The following SCD5 variants were observed in gnomAD, a reference collection of about 807,000 sequenced individuals.
The protein encoded by SCD5 is stearoyl-CoA desaturase 5, also known as acyl-CoA-desaturase 4.
Under a neutral mutation model 30.4 loss-of-function variants are expected in SCD5, and 20 were observed. The ratio of observed to expected loss-of-function variants is 0.66; its 90% confidence interval spans 0.46 to 0.96. SCD5 has a LOEUF of 0.96. Ranked by LOEUF, SCD5 falls within the 40% of genes least tolerant of loss-of-function variation. The pLI, the probability that SCD5 is intolerant of heterozygous loss-of-function variation, is 0.00. For missense variants in SCD5, 381 were observed against 443.3 expected (o/e 0.86, Z 1.26); for synonymous variants, 173 against 176.4 (o/e 0.98, Z 0.16).
chr4:82,715,998 C>T (rs958805196), intron 1 of SCD5, among the ~76,000 whole-genome samples: 5 of 151,920 alleles, frequency 3.3e-5, no homozygotes, highest in Non-Finnish European at 4.4e-5. Context: ...CAAAAAAAGT[C>T]AATGTTATCA....
intron 1 of SCD5, among the ~76,000 whole-genome samples, chr4:82,795,064 A>G (rs1722181812): frequency 6.6e-6 from 1 of 152,228 alleles, no homozygotes. Flanking sequence ...AGGGAAAACA[A>G]CATGCTCTGG....
intron 1 of SCD5, among the ~76,000 whole-genome samples, chr4:82,779,015 G>A (rs550336702): frequency 6.6e-6 from 1 of 152,054 alleles, no homozygotes; most frequent in East Asian, 1.9e-4. Flanking sequence ...ACAGGCATGC[G>A]CCACCACGCC....
intron 1 of SCD5, among the ~76,000 whole-genome samples, chr4:82,751,917 G>A (rs755995520): frequency 1.3e-5 from 2 of 152,156 alleles, no homozygotes; most frequent in African/African-American, 4.8e-5. Context: ...GAGCCACCAC[G>A]CCCAGCCTCT....
intron 1 of SCD5, among the ~76,000 whole-genome samples, chr4:82,758,861 G>A (rs770148317): frequency 7.2e-5 from 11 of 152,200 alleles, no homozygotes; most frequent in Non-Finnish European, 1.2e-4. Flanking sequence ...ACTCATGCCT[G>A]GCTTCAGCTG....
intron 2 of SCD5, among the ~76,000 whole-genome samples, chr4:82,682,558 A>C (rs1446654435): frequency 1.3e-5 from 2 of 152,220 alleles, no homozygotes; most frequent in African/African-American, 4.8e-5. Flanking sequence ...TTTATACCAT[A>C]ATATTCAATA....
At chr4:82,658,467 C>CTTTTTTTTT (rs33912415) in intron 3 of SCD5, among the ~76,000 whole-genome samples, 2 of 105,548 alleles carry the variant, frequency 1.9e-5, no homozygotes, top group Admixed American at 1.1e-4. Context: ...GGTGGATAAG[C>CTTTTTTTTT]TTTTTTTTTT....
intron 1 of SCD5, among the ~76,000 whole-genome samples, chr4:82,767,758 T>A (rs1310635421): frequency 6.6e-6 from 1 of 152,174 alleles, no homozygotes; most frequent in Admixed American, 6.5e-5. Flanking sequence ...TTCCTCTATA[T>A]TTTTTGACAA....
At chr4:82,732,867 G>T (rs969235994) in intron 1 of SCD5, among the ~76,000 whole-genome samples, 13 of 152,158 alleles carry the variant, frequency 8.5e-5, no homozygotes, top group African/African-American at 3.1e-4. Flanking sequence ...CACCTCAGTG[G>T]TTCTCAAAGT....
At chr4:82,649,960 G>A (rs552451828) in intron 3 of SCD5, among the ~76,000 whole-genome samples, 12 of 152,184 alleles carry the variant, frequency 7.9e-5, no homozygotes, top group East Asian at 1.9e-4. Flanking sequence ...GCCTCATCCC[G>A]GGAGACAGAA....
At chr4:82,785,091 T>G (rs544131130) in intron 1 of SCD5, among the ~76,000 whole-genome samples, 1 of 152,178 alleles carries the variant, frequency 6.6e-6, no homozygotes, top group African/African-American at 2.4e-5. Flanking sequence ...ATCTCATCTA[T>G]ACTCACAGGG....
chr4:82,683,700 G>A (rs1728630154), intron 2 of SCD5, among the ~76,000 whole-genome samples: 1 of 152,174 alleles, frequency 6.6e-6, no homozygotes, highest in African/African-American at 2.4e-5. Context: ...CTGGTGGGAG[G>A]TGATTGGATC....
chr4:82,786,838 T>C (rs1407210500), intron 1 of SCD5, among the ~76,000 whole-genome samples: 1 of 146,280 alleles, frequency 6.8e-6, no homozygotes, highest in Non-Finnish European at 1.5e-5. Flanking sequence ...AACTTCCCAA[T>C]AGCCACCAGG....
At chr4:82,640,893 G>T (rs1727528590) in intron 3 of SCD5, among the ~76,000 whole-genome samples, 1 of 152,216 alleles carries the variant, frequency 6.6e-6, no homozygotes, top group African/African-American at 2.4e-5. Context: ...GGCTGGAGAG[G>T]AGTCATTGAT....
At chr4:82,788,209 C>A (rs759739762) in intron 1 of SCD5, among the ~76,000 whole-genome samples, 2 of 152,158 alleles carry the variant, frequency 1.3e-5, no homozygotes, top group Non-Finnish European at 2.9e-5. Flanking sequence ...GCCTCCAGAA[C>A]TCAGAAATAA....
At chr4:82,732,361 A>G (rs1409074257) in intron 1 of SCD5, among the ~76,000 whole-genome samples, 3 of 152,222 alleles carry the variant, frequency 2.0e-5, no homozygotes, top group African/African-American at 7.2e-5. Flanking sequence ...AAGTGCTTGG[A>G]TTACAGGCAC....
chr4:82,768,639 G>A (rs1721545064), intron 1 of SCD5, among the ~76,000 whole-genome samples: 1 of 152,218 alleles, frequency 6.6e-6, no homozygotes, highest in Admixed American at 6.5e-5. Context: ...TAAGATTAGT[G>A]TCCTGGTTCT....
In SCD5 at chr4:82,795,809, C is replaced by CAAAAAAAAA. The variant is rs72115040; in HGVS notation, c.232+2488_232+2496dup. On this transcript the variant is annotated intron_variant, in intron 1 of 4. Transcript: ENST00000319540. ...TGCACTCCAGCAAGACCCTGTCTCA[C>CAAAAAAAAA]AAAAAAAAAAAAAAAAAAAAAAAAA... Among the ~76,000 whole-genome samples, 64 of 43,906 alleles carry CAAAAAAAAA rather than the reference C, an allele frequency of 1.5e-3. 8 individuals carry two copies. Among genetic ancestry groups the CAAAAAAAAA allele is most frequent in the African/African-American group, 4.7e-3 (54 of 11,420 alleles). 28.8% of individuals were successfully genotyped at this position (43,906 alleles called of 152,430 possible). A position where few individuals can be genotyped will look rare whatever the true frequency, so the allele number is the denominator to read the frequency against.
rs184689420 is a variant in SCD5, at chr4:82,705,428, C to T, written c.233-15G>A. On this transcript the variant is annotated splice_polypyrimidine_tract_variant and intron_variant, in intron 1 of 4. Transcript: ENST00000319540. The stretch of plus-strand genomic sequence containing the variant: ...GCAGAAGTAGGCTGCAAGACACAAG[C>T]AGGGACAACGTCAACAATGGTCCCT... The T allele has an allele frequency of 1.2e-5, 19 of 1,614,026 alleles. No individual in the cohort carries two copies. The highest frequency in any genetic ancestry group is 4.0e-5 in the African/African-American group (3 of 75,066).
At chr4:82,698,386 C>A (rs1012600801) in intron 2 of SCD5, among the ~76,000 whole-genome samples, 4 of 152,214 alleles carry the variant, frequency 2.6e-5, no homozygotes, top group Non-Finnish European at 5.9e-5. Flanking sequence ...ACACAAGTCT[C>A]CCTCCTTGAC....
Sources: allele counts gnomAD v4.1 joint callset (sites outside exome capture counted in the v4.1 genomes callset), GRCh38; gene constraint gnomAD v4.1.1; transcripts MANE v1.5; gene names NCBI Gene and HGNC (gene_info 2026-07-23, HGNC 2026-07-21).